The following DAAM2 variants were observed in gnomAD, a reference collection of about 807,000 sequenced individuals.
DAAM2 encodes disheveled-associated activator of morphogenesis 2.
A neutral mutation model predicts 120.7 loss-of-function variants in DAAM2; 39 were observed. The ratio of observed to expected loss-of-function variants is 0.32; its 90% confidence interval spans 0.25 to 0.42. The LOEUF (loss-of-function observed/expected upper bound fraction) is 0.42, where lower values mean the gene tolerates loss of function less well. Ranked by LOEUF, DAAM2 falls within the 10% of genes least tolerant of loss-of-function variation. DAAM2 has a pLI of 1.00. For synonymous variants in DAAM2, 488 were observed against 524.9 expected (o/e 0.93, Z 0.96); for missense variants, 1,283 against 1,401.7 (o/e 0.92, Z 1.35).
chr6:39,820,459 T>G (rs536289818), intron 1 of DAAM2: 1 of 152,300 alleles, frequency 6.6e-6, no homozygotes, highest in African/African-American at 2.4e-5. Context: ...TCCTGTTAAT[T>G]TTGCTACTCT....
intron 17 of DAAM2, among the ~76,000 whole-genome samples, chr6:39,890,483 C>T (rs562133663): frequency 1.3e-5 from 2 of 152,170 alleles, no homozygotes; most frequent in Non-Finnish European, 2.9e-5. Context: ...GAACCTTAGA[C>T]ATTATGCTGG....
chr6:39,861,413 T>C, intron 3 of DAAM2: 1 of 351,968 alleles, frequency 2.8e-6, no homozygotes, highest in Non-Finnish European at 5.6e-6. Flanking sequence ...GGATCTTTAG[T>C]CTCCACTCTG....
At chr6:39,900,845 A>G (rs1358652951) in intron 23 of DAAM2, among the ~76,000 whole-genome samples, 1 of 152,180 alleles carries the variant, frequency 6.6e-6, no homozygotes, top group African/African-American at 2.4e-5. Context: ...ATATAAATAT[A>G]GCCACTGTTT....
intron 1 of DAAM2, among the ~76,000 whole-genome samples, chr6:39,794,458 A>G (rs936509841): frequency 3.9e-5 from 6 of 152,116 alleles, no homozygotes; most frequent in African/African-American, 1.2e-4. Context: ...CTGAGGGAAT[A>G]CTCGTGCCCC....
In DAAM2 at chr6:39,800,768, G is replaced by A. The variant is rs964316276; in HGVS notation, c.-57+8303G>A. ...GCAATGTGGGACAATTCTAACGGGCGTGCCAGCTTCAGGGCTCCCTGTGGG... is the reference window on the plus strand; with the variant it reads ...GCAATGTGGGACAATTCTAACGGGCATGCCAGCTTCAGGGCTCCCTGTGGG... On this transcript the variant is annotated intron_variant, in intron 1 of 24. Transcript: ENST00000274867. Among the ~76,000 whole-genome samples, 4 of 152,320 alleles carry A rather than the reference G, an allele frequency of 2.6e-5. No homozygotes were observed. In the South Asian group the frequency reaches 6.2e-4, roughly 24 times the overall value.
At chr6:39,795,364 G>A (rs1761669312) in intron 1 of DAAM2, among the ~76,000 whole-genome samples, 1 of 152,216 alleles carries the variant, frequency 6.6e-6, no homozygotes, top group South Asian at 2.1e-4. Context: ...AGACTTCAGA[G>A]GCAGCCCGAC....
At chr6:39,819,173 C>T (rs553747044) in intron 1 of DAAM2, 1 of 152,238 alleles carries the variant, frequency 6.6e-6, no homozygotes, top group African/African-American at 2.4e-5. Flanking sequence ...ACCATCATCT[C>T]TATGCCCACT....
chr6:39,874,978 G>C (rs1052749400), intron 10 of DAAM2, among the ~76,000 whole-genome samples: 3 of 152,088 alleles, frequency 2.0e-5, no homozygotes, highest in Admixed American at 2.0e-4. Flanking sequence ...GTAATATTTT[G>C]GAGCAGGTGG....
intron 2 of DAAM2, among the ~76,000 whole-genome samples, chr6:39,857,845 A>C (rs1764066624): frequency 6.6e-6 from 1 of 152,066 alleles, no homozygotes; most frequent in East Asian, 1.9e-4. Context: ...AGGGATGTAG[A>C]GATGAGCCAC....
chr6:39,792,778 G>T (rs1291663177), intron 1 of DAAM2, among the ~76,000 whole-genome samples: 2 of 152,190 alleles, frequency 1.3e-5, no homozygotes, highest in Non-Finnish European at 2.9e-5. Context: ...GTTTTTTGCG[G>T]CTTTGAAACC....
At chr6:39,862,532 G>A (rs2149296086) in intron 3 of DAAM2, 1 of 152,300 alleles carries the variant, frequency 6.6e-6, no homozygotes, top group South Asian at 2.1e-4. Flanking sequence ...GGCCAGGCAT[G>A]GTGGCTCATG....
intron 1 of DAAM2, among the ~76,000 whole-genome samples, chr6:39,825,830 C>T (rs1264815108): frequency 6.6e-6 from 1 of 152,182 alleles, no homozygotes; most frequent in Admixed American, 6.5e-5. Context: ...ACAGCCTGCA[C>T]ACTACATGCA....
chr6:39,860,621 A>T (rs1235620621), intron 2 of DAAM2, among the ~76,000 whole-genome samples: 9 of 152,174 alleles, frequency 5.9e-5, no homozygotes, highest in Non-Finnish European at 1.5e-5. Flanking sequence ...TAGCAAAGCA[A>T]TGCAGGCGAT....
At chr6:39,818,547 G>A (rs1355850968) in intron 1 of DAAM2, among the ~76,000 whole-genome samples, 1 of 152,228 alleles carries the variant, frequency 6.6e-6, no homozygotes, top group Non-Finnish European at 1.5e-5. Flanking sequence ...TCGTAGCAGA[G>A]GTCATGGAAG....
chr6:39,874,090 C>G lies in DAAM2; in HGVS notation c.1162+735C>G, dbSNP rs558034128. On this transcript the variant is annotated intron_variant, in intron 10 of 24. Coordinates refer to ENST00000274867, the MANE Select transcript of DAAM2 (RefSeq NM_001201427.2). ...AACTGTGACTTATTGTGTGCCAACT[C>G]TGGGCCAGGCGTGATGTGAGGTCCT... is the stretch of plus-strand genomic sequence containing the variant. Among the ~76,000 whole-genome samples, 10 of 152,278 alleles carry G rather than the reference C, an allele frequency of 6.6e-5. No individual in the cohort carries two copies. The South Asian group carries it at 2.1e-3, about 32-fold the overall frequency.
chr6:39,880,618 G>A (rs1389767635), intron 14 of DAAM2, among the ~76,000 whole-genome samples: 1 of 151,962 alleles, frequency 6.6e-6, no homozygotes, highest in Non-Finnish European at 1.5e-5. Context: ...TAGCTTTAGC[G>A]GTACAACCTC....
intron 1 of DAAM2, among the ~76,000 whole-genome samples, chr6:39,805,586 G>A (rs1404090933): frequency 2.0e-5 from 3 of 149,492 alleles, no homozygotes; most frequent in East Asian, 2.0e-4. Context: ...ACAGAGTCTC[G>A]CTCTGTTGCC....
At chr6:39,862,438 T>A (rs1367465004) in intron 3 of DAAM2, 2 of 152,086 alleles carry the variant, frequency 1.3e-5, no homozygotes, top group Non-Finnish European at 2.9e-5. Flanking sequence ...GATTCTCCAT[T>A]TTCCAAATTG....
In DAAM2 at chr6:39,865,043, C is replaced by A. The variant is rs375635373; in HGVS notation, c.397C>A (p.Leu133Met). The change falls in exon 5 of 25, where the codon CTG becomes ATG. Residue 133 changes from leucine to methionine, a missense_variant. This residue lies in a region of DAAM2 where 197 missense variants were observed against 189.3 expected (regional missense o/e 1.04). Coordinates refer to ENST00000274867, the MANE Select transcript of DAAM2 (RefSeq NM_001201427.2). ...TEMRNQVVED[L>M]KTALRTQPMR... The stretch of plus-strand genomic sequence containing the variant: ...GATGAGGAACCAAGTCGTGGAAGAC[C>A]TGAAGACAGCCCTCCGGACACAGCC... 28 of 1,599,250 alleles carry A rather than the reference C, an allele frequency of 1.8e-5. No individual in the cohort carries two copies. In the African/African-American group the frequency reaches 3.5e-4, roughly 20 times the overall value.
Sources: allele counts gnomAD v4.1 joint callset (sites outside exome capture counted in the v4.1 genomes callset), GRCh38; gene constraint gnomAD v4.1.1; regional missense constraint gnomAD v4.1.1; transcripts MANE v1.5; gene names NCBI Gene and HGNC (gene_info 2026-07-23, HGNC 2026-07-21).